The following SENP6 variants were observed in gnomAD, a reference collection of about 807,000 sequenced individuals.
SENP6 encodes the protein SUMO specific peptidase 6.
SENP6 carries 41 observed loss-of-function variants against 134.5 expected under a neutral mutation model. The ratio of observed to expected loss-of-function variants is 0.30; its 90% CI spans 0.24 to 0.40. The LOEUF is 0.40. Ranked by LOEUF, SENP6 falls within the 10% of genes least tolerant of loss-of-function variation. SENP6 has a pLI of 1.00. For missense variants in SENP6, 1,248 were observed against 1,312.5 expected, an observed-to-expected ratio of 0.95 and a Z score of 0.76; for synonymous variants, 395 against 429.8, an observed-to-expected ratio of 0.92 and a Z score of 1.00.
At chr6:75,703,864 T>C (rs529312763) in intron 19 of SENP6, among the ~76,000 whole-genome samples, 1 of 152,280 alleles carries the variant, frequency 6.6e-6, no homozygotes, top group Admixed American at 6.5e-5. Flanking sequence ...AGGGTGCAAT[T>C]TTGAAATTGC....
At chr6:75,649,603 C>T (rs1037391569) in intron 7 of SENP6, among the ~76,000 whole-genome samples, 12 of 152,122 alleles carry the variant, frequency 7.9e-5, no homozygotes, top group South Asian at 4.2e-4. Flanking sequence ...TTGCAACCTC[C>T]GCCTCCCGGG....
At position 75,702,934 on chromosome 6, in the gene SENP6, A is replaced by G. The variant is rs1775138990; in HGVS notation, c.2578A>G (p.Ser860Gly). The change falls in exon 19 of 24, where the codon AGT (serine) becomes GGT (glycine). Residue 860 changes from serine to glycine, a missense_variant. By Grantham distance (56) the Ser-to-Gly change is moderately conservative (BLOSUM62 0). This residue lies in a region of SENP6 where 386 missense variants were observed against 395.0 expected (regional missense o/e 0.98). Transcript: ENST00000447266. ...GAGAAACATATGCAGTGTAAAATAC[A>G]GTGTGAAAAAAATAAATCATACTGC... is the stretch of plus-strand genomic sequence containing the variant. ...YKRNICSVKY[S>G]VKKINHTASE... 6.2e-7 allele frequency: 1 copy of G among 1,614,122 alleles called. No individual in the cohort carries two copies.
At chr6:75,705,924 CCTTTTTTTTT>C (rs746447586) in intron 19 of SENP6, among the ~76,000 whole-genome samples, 22,333 of 89,008 alleles carry the variant, frequency 0.25, 4,600 homozygotes, top group East Asian at 0.41. Flanking sequence ...TATTTTTGAG[CCTTTTTTTTT>C]TTTTTTTTTT....
intron 5 of SENP6, among the ~76,000 whole-genome samples, chr6:75,636,503 T>G (rs1361212528): frequency 6.6e-6 from 1 of 152,104 alleles, no homozygotes; most frequent in Non-Finnish European, 1.5e-5. Flanking sequence ...TGCATAAAGA[T>G]GAATATGATA....
intron 1 of SENP6, among the ~76,000 whole-genome samples, chr6:75,608,547 GGAA>G (rs1026774489): frequency 2.9e-4 from 44 of 151,850 alleles, no homozygotes; most frequent in Admixed American, 2.1e-3. Flanking sequence ...AGGAAAGAAA[GGAA>G]GAAAGAAAGG....
intron 16 of SENP6, among the ~76,000 whole-genome samples, chr6:75,682,737 A>AT (rs1180546384): frequency 6.6e-6 from 1 of 152,128 alleles, no homozygotes; most frequent in African/African-American, 2.4e-5. Flanking sequence ...ACATGAACTC[A>AT]TCCTTTTTTA....
intron 1 of SENP6, among the ~76,000 whole-genome samples, chr6:75,616,745 CAAAAAAAAA>C (rs1227499332): frequency 1.7e-5 from 1 of 59,002 alleles, no homozygotes; most frequent in African/African-American, 6.5e-5. Context: ...GACTCCATCT[CAAAAAAAAA>C]AAAAAAAAAA....
intron 11 of SENP6, among the ~76,000 whole-genome samples, chr6:75,673,319 CTTT>C (rs373435139): frequency 3.4e-5 from 4 of 116,922 alleles, no homozygotes; most frequent in South Asian, 2.8e-4. Context: ...CCAATGTCTA[CTTT>C]TTTTTTTTTT....
intron 1 of SENP6, 76 bp downstream of exon 1, chr6:75,602,652 C>A: frequency 2.8e-6 from 4 of 1,416,102 alleles, no homozygotes; most frequent in South Asian, 1.2e-5. Flanking sequence ...CCCGGATATT[C>A]AGTTATCTGC....
At chr6:75,606,592 A>G (rs1767045185) in intron 1 of SENP6, among the ~76,000 whole-genome samples, 1 of 152,226 alleles carries the variant, frequency 6.6e-6, no homozygotes, top group African/African-American at 2.4e-5. Context: ...ATGTAAAATT[A>G]CAACTGACAA....
chr6:75,712,921 A>T (rs1222743383), intron 21 of SENP6, among the ~76,000 whole-genome samples: 4 of 152,114 alleles, frequency 2.6e-5, no homozygotes, highest in Non-Finnish European at 5.9e-5. Flanking sequence ...CCTGGGCAAC[A>T]TGGAAAAACC....
chr6:75,699,440 CTGTTT>C (rs1477377693), intron 18 of SENP6, among the ~76,000 whole-genome samples: 1 of 139,880 alleles, frequency 7.1e-6, no homozygotes, highest in Non-Finnish European at 1.5e-5. Flanking sequence ...TATTTGTCAT[CTGTTT>C]TGTTTTTATT....
intron 23 of SENP6, among the ~76,000 whole-genome samples, 174 bp downstream of exon 23, chr6:75,713,999 A>C (rs761305557): frequency 6.6e-6 from 1 of 152,242 alleles, no homozygotes; most frequent in Non-Finnish European, 1.5e-5. Context: ...GCATAAAAAT[A>C]GTATATTTAC....
chr6:75,676,985 ACTT>A (rs1371985220), intron 13 of SENP6, 42 bp from the exon 14 acceptor site: 3 of 877,528 alleles, frequency 3.4e-6, no homozygotes, highest in African/African-American at 2.3e-5. Flanking sequence ...GTATCTATTT[ACTT>A]CTTTTGTGTT....
chr6:75,662,202 T>G (rs1287104352), intron 8 of SENP6, among the ~76,000 whole-genome samples: 1 of 152,212 alleles, frequency 6.6e-6, no homozygotes, highest in Non-Finnish European at 1.5e-5. Context: ...GCAGATAGTA[T>G]GTGATATGTA....
intron 1 of SENP6, among the ~76,000 whole-genome samples, chr6:75,603,153 G>C (rs996096179): frequency 6.6e-6 from 1 of 152,134 alleles, no homozygotes. Flanking sequence ...TCTGGAAAAA[G>C]AGTAAGGTTT....
chr6:75,609,373 A>G (rs1001604548), intron 1 of SENP6, among the ~76,000 whole-genome samples: 2 of 152,254 alleles, frequency 1.3e-5, no homozygotes, highest in Admixed American at 6.5e-5. Context: ...ATGGAAAGCC[A>G]CAAATCTCTT....
intron 3 of SENP6, among the ~76,000 whole-genome samples, chr6:75,624,853 C>T (rs188356040): frequency 3.1e-4 from 47 of 152,012 alleles, no homozygotes; most frequent in African/African-American, 1.0e-3. Context: ...ATGTTTTTGG[C>T]CAAGTGTAGT....
At chr6:75,612,772 G>GACC (rs1400920223) in intron 1 of SENP6, among the ~76,000 whole-genome samples, 1 of 152,120 alleles carries the variant, frequency 6.6e-6, no homozygotes, top group Non-Finnish European at 1.5e-5. Flanking sequence ...CATCCCCAAG[G>GACC]ACCAAATCAT....
Sources: gnomAD v4.1 joint callset for allele counts (sites outside exome capture counted in the v4.1 genomes callset) on GRCh38, gnomAD v4.1.1 for gene constraint, gnomAD v4.1.1 regional missense constraint, MANE v1.5 for transcripts, NCBI Gene and HGNC (gene_info 2026-07-23, HGNC 2026-07-21) for gene names.